Variants in PGK1 observed in about 807,000 individuals in gnomAD.
PGK1 encodes the protein phosphoglycerate kinase 1, also known as PRP 2.
In PGK1, 3 loss-of-function variants were observed where a neutral mutation model predicts 26.9. The observed-to-expected ratio is 0.11, with a 90% CI of 0.05 to 0.29. The LOEUF (loss-of-function observed/expected upper bound fraction) is 0.29, where lower values mean the gene tolerates loss of function less well. Among genes scored for constraint, PGK1 ranks in the 10% least tolerant of loss-of-function variants. The pLI, the probability that PGK1 is intolerant of heterozygous loss-of-function variation, is 1.00. For missense variants in PGK1, 270 were observed against 314.7 expected (o/e 0.86, Z 1.07); for synonymous variants, 125 against 115.3 (o/e 1.08, Z -0.54).
rs1167629380 is a variant in PGK1 at position 78,126,857 on chromosome X, T to G, written c.*1027T>G. The G allele has an allele frequency of 1.3e-4, 15 of 112,346 alleles. No individual in the cohort carries two copies. Among genetic ancestry groups the G allele is most frequent in the Admixed American group, 1.2e-3 (13 of 10,603 alleles). 9.3% of individuals were successfully genotyped at this position (112,346 alleles called of 1,213,427 possible). A position where few individuals can be genotyped will look rare whatever the true frequency, so the allele number is the denominator to read the frequency against. ...TATTGTCTTTGGCATTAACAGTGTT[T>G]CAAAAAATTTTCTGTGTATACCCAT... On this transcript the variant is annotated 3_prime_UTR_variant, in exon 11 of 11. Transcript: ENST00000373316.
intron 8 of PGK1, among the ~76,000 whole-genome samples, chrX:78,124,033 CTATA>C (rs1329010543): frequency 9.0e-5 from 10 of 111,360 alleles, no homozygotes; most frequent in South Asian, 3.7e-4. Flanking sequence ...ATCTAGAAAG[CTATA>C]TAAGAAAACT....
intron 6 of PGK1, 85 bp from the exon 7 acceptor site, chrX:78,122,750 C>T (rs2078362410): frequency 1.7e-6 from 1 of 591,700 alleles, no homozygotes; most frequent in South Asian, 2.3e-5. Flanking sequence ...TGTTCCTGTG[C>T]CTTGAAATAG....
intron 2 of PGK1, 141 bp from the exon 3 acceptor site, chrX:78,113,603 C>T (rs2078311629): frequency 1.8e-6 from 1 of 553,937 alleles, no homozygotes. Flanking sequence ...TCTTAAGGAC[C>T]ACCATTGAAT....
In PGK1 at chrX:78,117,323, G is replaced by A; in HGVS notation, c.429G>A (p.Glu143=). 1.1e-5 allele frequency: 13 copies of A among 1,202,815 alleles called. No homozygotes were observed. The highest frequency in any genetic ancestry group is 1.5e-5 in the Non-Finnish European group (13 of 887,461). Residue 143 remains glutamate, a synonymous_variant, in exon 5 of 11, where the codon GAG becomes GAA. Coordinates refer to ENST00000373316, the MANE Select transcript of PGK1 (RefSeq NM_000291.4). The part of the protein sequence containing the change: ...KDASGNKVKA[E]PAKIEAFRAS... ...GTTTTTCTCTATAGGTTAAAGCCGA[G>A]CCAGCCAAAATAGAAGCTTTCCGAG...
chrX:78,111,408 G>A (rs782723643), intron 2 of PGK1, among the ~76,000 whole-genome samples: 110 of 112,548 alleles, frequency 9.8e-4, no homozygotes, highest in African/African-American at 3.5e-3. Context: ...AAGGGTTTGT[G>A]TTGGCAAGGT....
At chrX:78,118,215 G>A in intron 6 of PGK1, 45 bp downstream of exon 6, 1 of 1,180,591 alleles carries the variant, frequency 8.5e-7, no homozygotes. Flanking sequence ...TTGTTTGCCT[G>A]GTAGTAGGCC....
intron 1 of PGK1, among the ~76,000 whole-genome samples, chrX:78,108,611 C>T (rs192452100): frequency 1.4e-3 from 161 of 111,875 alleles, no homozygotes; most frequent in Admixed American, 2.7e-3. Flanking sequence ...GTGGTCTTCT[C>T]AGTATGTCTG....
chrX:78,117,194 A>T (rs900493861), intron 4 of PGK1, 118 bp from the exon 5 acceptor site: 4 of 538,053 alleles, frequency 7.4e-6, no homozygotes, highest in Non-Finnish European at 1.3e-5. Flanking sequence ...GTTGTAAAAA[A>T]TCGCTGTCCC....
chrX:78,115,962 C>A (rs1451499465), intron 4 of PGK1, among the ~76,000 whole-genome samples: 12 of 110,648 alleles, frequency 1.1e-4, no homozygotes, highest in African/African-American at 3.3e-4. Context: ...GATCCTCCTG[C>A]CTCATCCTTG....
At chrX:78,105,722 A>T (rs782359509) in intron 1 of PGK1, among the ~76,000 whole-genome samples, 7 of 111,710 alleles carry the variant, frequency 6.3e-5, no homozygotes, top group Non-Finnish European at 1.1e-4. Context: ...CCTGCTGTGG[A>T]GATAGAAGAA....
chrX:78,113,225 G>T (rs1356913765), intron 2 of PGK1, among the ~76,000 whole-genome samples: 4 of 111,412 alleles, frequency 3.6e-5, no homozygotes, highest in African/African-American at 1.3e-4. Context: ...AGCCCCTGGG[G>T]AGGTTGAAGC....
intron 6 of PGK1, among the ~76,000 whole-genome samples, chrX:78,121,941 A>T (rs1164283412): frequency 5.3e-5 from 6 of 112,364 alleles, no homozygotes; most frequent in Non-Finnish European, 1.1e-4. Context: ...TGGCTTAGGC[A>T]TGTAACCCTA....
At chrX:78,119,486 G>A (rs188337794) in intron 6 of PGK1, among the ~76,000 whole-genome samples, 109 of 111,385 alleles carry the variant, frequency 9.8e-4, no homozygotes, top group Non-Finnish European at 1.9e-3. Flanking sequence ...TTCCCCCAGG[G>A]GAGTGAACAT....
At chrX:78,105,063 CTAGGTAATGG>C (rs1181079114) in intron 1 of PGK1, among the ~76,000 whole-genome samples, 16 of 112,270 alleles carry the variant, frequency 1.4e-4, no homozygotes, top group Non-Finnish European at 3.0e-4. Flanking sequence ...TTGTGACATA[CTAGGTAATGG>C]TAGAGCAGGG....
At position 78,113,825 on chromosome X, in the gene PGK1, G is replaced by T. The variant is rs201498142; in HGVS notation, c.198G>T (p.Arg66=). 1 of 1,207,764 alleles carries T rather than the reference G, an allele frequency of 8.3e-7. No individual in the cohort carries two copies. Among genetic ancestry groups the T allele is most frequent in the Non-Finnish European group, 1.1e-6 (1 of 893,299 alleles). The part of the protein sequence containing the change: ...KSVVLMSHLG[R]PDGVPMPDKY... ...TAGTCCTTATGAGCCACCTAGGCCG[G>T]CCTGATGGTGTGCCCATGCCTGACA... Residue 66 remains arginine (R), a synonymous_variant, in exon 3 of 11, where the codon CGG becomes CGT. Transcript: ENST00000373316.
rs969251801 is a variant in PGK1 at position 78,128,184 on chromosome X, T to C, written c.*2354T>C. ...CGTGATAGAGGGAATATAAGAGCAT[T>C]TATGTTCTGAAGGAATTTTTAACCT... On this transcript the variant is annotated 3_prime_UTR_variant, in exon 11 of 11. Coordinates refer to ENST00000373316, the MANE Select transcript of PGK1 (RefSeq NM_000291.4). 2 of 112,992 alleles carry C rather than the reference T, an allele frequency of 1.8e-5. No homozygotes were observed. Among genetic ancestry groups the C allele is most frequent in the Non-Finnish European group, 3.7e-5 (2 of 53,379 alleles). 9.3% of individuals were successfully genotyped at this position (112,992 alleles called of 1,213,427 possible).
chrX:78,123,035 A>G, intron 7 of PGK1, 86 bp downstream of exon 7: 1 of 734,534 alleles, frequency 1.4e-6, no homozygotes, highest in Non-Finnish European at 2.2e-6. Context: ...CAGTCTTTTG[A>G]CATGAGCCCT....
At chrX:78,125,304 T>C (rs781997954) in intron 9 of PGK1, 23 bp from the exon 10 acceptor site, 8 of 1,118,045 alleles carry the variant, frequency 7.2e-6, no homozygotes, top group African/African-American at 1.8e-5. Context: ...CTTTTCCCTT[T>C]TTACCTGGCT....
chrX:78,123,966 G>A (rs1451243581), intron 8 of PGK1, among the ~76,000 whole-genome samples: 3 of 111,287 alleles, frequency 2.7e-5, no homozygotes, highest in East Asian at 2.8e-4. Flanking sequence ...TACTTACTGC[G>A]TACTGGAGAT....
Sources: allele counts gnomAD v4.1 joint callset (sites outside exome capture counted in the v4.1 genomes callset), GRCh38; gene constraint gnomAD v4.1.1; transcripts MANE v1.5; gene names NCBI Gene and HGNC (gene_info 2026-07-23, HGNC 2026-07-21).